The following PRCD variants were observed in gnomAD, a reference collection of about 807,000 sequenced individuals.
The protein encoded by PRCD is photoreceptor disk component PRCD.
Under a neutral mutation model 10.1 loss-of-function variants are expected in PRCD, and 12 were observed. That is an observed-to-expected ratio of 1.18 (90% confidence interval 0.76 to 1.92). The LOEUF (loss-of-function observed/expected upper bound fraction) is 1.92, where lower values mean the gene tolerates loss of function less well. Ranked by LOEUF, PRCD falls within the 40% of genes most tolerant of loss-of-function variation. PRCD has a pLI of 0.00. For synonymous variants in PRCD, 31 were observed against 26.2 expected, an observed-to-expected ratio of 1.18 and a Z score of -0.56; for missense variants, 61 against 72.2, an observed-to-expected ratio of 0.84 and a Z score of 0.56.
chr17:76,550,265 C>A (rs1256253861), downstream of PRCD: 3 of 131,036 alleles, frequency 2.3e-5, no homozygotes, highest in Non-Finnish European at 5.0e-5. Context: ...CTAGAAGGTT[C>A]TTTTTTTTTT....
chr17:76,540,240 T>C lies in PRCD; in HGVS notation c.74+25T>C. 2 of 219,518 alleles carry C rather than the reference T, an allele frequency of 9.1e-6. No homozygotes were observed. The highest frequency in any genetic ancestry group is 1.7e-5 in the Non-Finnish European group (2 of 118,898). The allele number at this position is 219,518 out of a possible 1,614,324, so 13.6% of individuals were successfully genotyped here. On this transcript the variant is annotated intron_variant, in intron 1 of 4. Transcript: ENST00000592014. This position sits in a 1 kb window ranked among gnomAD's most constrained non-coding sequence, Gnocchi z 5.0. ...CGTGAGAAACTGACCGGGCTATGGC[T>C]GGCGGTTGGTCGGGGGGGGGGGGCA...
chr17:76,535,411 T>C (rs1015550860), upstream of PRCD, among the ~76,000 whole-genome samples: 36 of 152,098 alleles, frequency 2.4e-4, no homozygotes, highest in Non-Finnish European at 1.5e-4. Flanking sequence ...CAGGAGCCCT[T>C]ATCCCCCTTT....
chr17:76,534,423 C>T (rs1375663564), intron 1 of PRCD, among the ~76,000 whole-genome samples: 1 of 152,210 alleles, frequency 6.6e-6, no homozygotes, highest in Admixed American at 6.5e-5. Context: ...CGGTGATCTG[C>T]CTGCCTCGGC....
chr17:76,536,482 G>A (rs1313920252), upstream of PRCD, among the ~76,000 whole-genome samples: 5 of 152,182 alleles, frequency 3.3e-5, no homozygotes, highest in African/African-American at 1.2e-4. Flanking sequence ...GGGCTCCTCT[G>A]CCTGCACCCC....
At chr17:76,538,415 C>G, upstream of PRCD, 1 of 436,746 alleles carries the variant, frequency 2.3e-6, no homozygotes, top group South Asian at 1.6e-5. Flanking sequence ...GCCTGCGCCC[C>G]CTCTCCTTCC....
rs1210570702 is a variant in PRCD, at chr17:76,545,143, C to A, written c.*1493C>A. ...ACCTTCCCCGCACACCCAGCCCACGCTCGCCTCTTATTCCCGGGGCCTCTC... is the reference window on the plus strand; with the variant it reads ...ACCTTCCCCGCACACCCAGCCCACGATCGCCTCTTATTCCCGGGGCCTCTC... On this transcript the variant is annotated 3_prime_UTR_variant, in exon 5 of 5. Coordinates refer to ENST00000592014, the MANE Select transcript of PRCD (RefSeq NM_001077620.3). 1.1e-5 allele frequency: 5 copies of A among 456,546 alleles called. No homozygotes were observed. The highest frequency in any genetic ancestry group is 9.4e-5 in the Admixed American group (4 of 42,574). The allele number at this position is 456,546 out of a possible 1,614,324, so 28.3% of individuals were successfully genotyped here.
At chr17:76,539,159 C>A (rs559842098), upstream of PRCD, among the ~76,000 whole-genome samples, 1 of 152,146 alleles carries the variant, frequency 6.6e-6, no homozygotes. Flanking sequence ...GGTTCTCACA[C>A]CACTCCCAGA....
chr17:76,552,905 T>C (rs1490273281), intron 1 of PRCD: 1 of 140,780 alleles, frequency 7.1e-6, no homozygotes, highest in African/African-American at 2.7e-5. Flanking sequence ...TATAAAAATA[T>C]ATATATATAA....
At chr17:76,529,882 TC>T (rs763562550) in intron 1 of PRCD, 2 of 985,156 alleles carry the variant, frequency 2.0e-6, no homozygotes, top group East Asian at 1.1e-4. Flanking sequence ...TCCCGAGGAC[TC>T]CACTCTCTTG....
chr17:76,540,007 G>T, upstream of PRCD: 1 of 910,208 alleles, frequency 1.1e-6, no homozygotes, highest in South Asian at 1.5e-5. This position sits in a 1 kb window ranked among gnomAD's most constrained non-coding sequence, Gnocchi z 5.0. Context: ...TAATCAGCTT[G>T]AGCCTCCTAA....
rs774144863 is a variant in PRCD at position 76,528,559 on chromosome 17, G to C, written n.45+726G>C. The C allele has an allele frequency of 3.1e-6, 4 of 1,290,650 alleles. No individual in the cohort carries two copies. Among genetic ancestry groups the C allele is most frequent in the African/African-American group, 1.5e-5 (1 of 65,278 alleles). The allele number at this position is 1,290,650 out of a possible 1,614,324, so 79.9% of individuals were successfully genotyped here. A position where few individuals can be genotyped will look rare whatever the true frequency, so the allele number is the denominator to read the frequency against. Reference sequence around the variant, plus strand: ...TTCTGCTCGAGGTGCTGCCAGGGAGGGGGGTGGAGTTAGGGGTCCTACGGC... The same window carrying C: ...TTCTGCTCGAGGTGCTGCCAGGGAGCGGGGTGGAGTTAGGGGTCCTACGGC... On this transcript the variant is annotated intron_variant and non_coding_transcript_variant, in intron 1 of 4. Coordinates refer to the PRCD transcript ENST00000397633. The surrounding 1 kb of genome is among the most constrained non-coding windows in gnomAD (Gnocchi z 5.8).
rs2074980840 is a variant in PRCD at position 76,540,641 on chromosome 17, G to A, written c.143+68G>A. 2.0e-6 allele frequency: 3 copies of A among 1,503,322 alleles called. No homozygotes were observed. The highest frequency in any genetic ancestry group is 2.8e-6 in the Non-Finnish European group (3 of 1,084,418). 93.1% of individuals were successfully genotyped at this position (1,503,322 alleles called of 1,614,324 possible). On this transcript the variant is annotated intron_variant, in intron 2 of 4. Transcript: ENST00000592014. The surrounding 1 kb of genome is among the most constrained non-coding windows in gnomAD (Gnocchi z 5.0). ...GGAAGCTGTGGCTGTGCATGCCTGG[G>A]GGTGCACGTGTGTGCCTGTGCGCGC...
chr17:76,537,478 G>T (rs1411668804), upstream of PRCD: 1 of 1,592,376 alleles, frequency 6.3e-7, no homozygotes, highest in South Asian at 1.1e-5. Context: ...CTTCCTCTCC[G>T]CCTCGGACAG....
downstream of PRCD, among the ~76,000 whole-genome samples, chr17:76,548,104 AAC>A (rs765753099): frequency 3.6e-4 from 55 of 151,866 alleles, no homozygotes; most frequent in African/African-American, 9.9e-4. Context: ...GACACACAGA[AAC>A]ACACACACAT....
chr17:76,537,415 A>AC, upstream of PRCD: 1 of 1,595,984 alleles, frequency 6.3e-7, no homozygotes, highest in Non-Finnish European at 8.5e-7. Context: ...CAGGATGGCC[A>AC]CCCCCACGTC....
In PRCD at chr17:76,528,672, G is replaced by A; in HGVS notation, n.45+839G>A. On this transcript the variant is annotated intron_variant and non_coding_transcript_variant, in intron 1 of 4. Coordinates refer to the PRCD transcript ENST00000397633. This position sits in a 1 kb window ranked among gnomAD's most constrained non-coding sequence, Gnocchi z 5.8. ...CCAGAGGCAGGGAAGGACCCTCGGG[G>A]GAAAGGGGGAGGACCTGGGGCTGGC... 3.2e-6 allele frequency: 4 copies of A among 1,242,674 alleles called. No homozygotes were observed. Among genetic ancestry groups the A allele is most frequent in the Non-Finnish European group, 4.1e-6 (4 of 980,850 alleles). 77.0% of individuals were successfully genotyped at this position (1,242,674 alleles called of 1,614,324 possible).
At chr17:76,529,490 C>T (rs2074808696) in intron 1 of PRCD, 1 of 985,414 alleles carries the variant, frequency 1.0e-6, no homozygotes, top group Non-Finnish European at 1.2e-6. Flanking sequence ...GAACTTGGGC[C>T]ATGTGTTTCT....
chr17:76,529,691 T>C, intron 1 of PRCD: 1 of 985,372 alleles, frequency 1.0e-6, no homozygotes, highest in Non-Finnish European at 1.2e-6. Context: ...CCCCTGTCTT[T>C]TCCCTGGACC....
chr17:76,537,376 C>A, upstream of PRCD: 1 of 1,573,236 alleles, frequency 6.4e-7, no homozygotes, highest in Non-Finnish European at 8.6e-7. Flanking sequence ...TGCCCAGGGC[C>A]CGGCCGGGCC....
Sources: gnomAD v4.1 joint callset for allele counts (sites outside exome capture counted in the v4.1 genomes callset) on GRCh38, gnomAD v4.1.1 for gene constraint, Gnocchi (gnomAD v3.1) non-coding constraint, MANE v1.5 for transcripts, NCBI Gene and HGNC (gene_info 2026-07-23, HGNC 2026-07-21) for gene names.